CCDC85A: variants seen among roughly 807,000 people sequenced by gnomAD.
CCDC85A encodes coiled-coil domain-containing protein 85A.
A neutral mutation model predicts 50.2 loss-of-function variants in CCDC85A; 38 were observed. The ratio of observed to expected loss-of-function variants is 0.76; its 90% CI spans 0.58 to 0.99. The LOEUF is 0.99. CCDC85A is among the 50% of genes least tolerant of loss of function. CCDC85A has a pLI of 0.00. For synonymous variants in CCDC85A, 366 were observed against 301.4 expected (o/e 1.21, Z -2.22); for missense variants, 820 against 742.0 (o/e 1.11, Z -1.22).
intron 2 of CCDC85A, among the ~76,000 whole-genome samples, chr2:56,330,510 C>T (rs1486577257): frequency 2.0e-5 from 3 of 152,162 alleles, no homozygotes; most frequent in African/African-American, 4.8e-5. Context: ...GCCTTCCTCC[C>T]TCCCTCCCTC....
Position 56,184,795 on chromosome 2 carries a change from G to C in CCDC85A, c.171G>C (p.Arg57=). The change falls in exon 1 of 6, where the codon CGG becomes CGC. Residue 57 remains arginine (R), a synonymous_variant. Transcript: ENST00000407595. ...AGGAGGAGCTGATCCGCAGCCTGCGGCGCGCCGAGGCGGAGAAGGTGAGCG... is the reference window on the plus strand; with the variant it reads ...AGGAGGAGCTGATCCGCAGCCTGCGCCGCGCCGAGGCGGAGAAGGTGAGCG... ...WSKEELIRSL[R]RAEAEKVSAM... The C allele has an allele frequency of 1.9e-6, 3 of 1,546,390 alleles. No homozygotes were observed. The South Asian group carries it at 3.6e-5, about 18-fold the overall frequency.
intron 2 of CCDC85A, among the ~76,000 whole-genome samples, chr2:56,217,318 G>A (rs1247967856): frequency 6.6e-6 from 1 of 151,844 alleles, no homozygotes; most frequent in Admixed American, 6.6e-5. Context: ...TCTGTGTTGA[G>A]CTTTTAGGAA....
chr2:56,357,044 C>T lies in CCDC85A; in HGVS notation c.1317+14089C>T, dbSNP rs575801434. Among the ~76,000 whole-genome samples the T allele has an allele frequency of 1.3e-3, 196 of 151,058 alleles. 1 individual carries two copies. Among genetic ancestry groups the T allele is most frequent in the African/African-American group, 3.9e-3 (161 of 41,084 alleles). ...CAGTGAGCTGAGATCACACCACTGCCCTCAAACCTGGGCAGCAGAGTGAGA... is the reference window on the plus strand; with the variant it reads ...CAGTGAGCTGAGATCACACCACTGCTCTCAAACCTGGGCAGCAGAGTGAGA... On this transcript the variant is annotated intron_variant, in intron 3 of 5. Transcript: ENST00000407595.
chr2:56,271,596 T>G lies in CCDC85A; in HGVS notation c.1241-71283T>G, dbSNP rs563404658. Among the ~76,000 whole-genome samples the G allele has an allele frequency of 2.0e-5, 3 of 152,188 alleles. No homozygotes were observed. The South Asian group carries it at 6.2e-4, about 31-fold the overall frequency. Reference sequence around the variant, plus strand: ...TGACAGGCTAATACATTAGGTCATTTTGGCTTTTTTTCTTTCCTGTCAAGC... The same window carrying G: ...TGACAGGCTAATACATTAGGTCATTGTGGCTTTTTTTCTTTCCTGTCAAGC... On this transcript the variant is annotated intron_variant, in intron 2 of 5. Transcript: ENST00000407595.
intron 2 of CCDC85A, among the ~76,000 whole-genome samples, chr2:56,245,544 G>C (rs1669463111): frequency 1.3e-5 from 2 of 152,198 alleles, no homozygotes; most frequent in African/African-American, 4.8e-5. Context: ...TGGTTCTTAT[G>C]AAGTTGCTTT....
chr2:56,229,480 T>G (rs1230066731), intron 2 of CCDC85A, among the ~76,000 whole-genome samples: 2 of 152,142 alleles, frequency 1.3e-5, no homozygotes, highest in Non-Finnish European at 2.9e-5. Context: ...ATTTTAGACC[T>G]TAGTTCTTCA....
chr2:56,381,004 G>T (rs940433787), intron 5 of CCDC85A, among the ~76,000 whole-genome samples: 1 of 151,992 alleles, frequency 6.6e-6, no homozygotes, highest in South Asian at 2.1e-4. Context: ...AGACACTTAC[G>T]CATCAACCTC....
chr2:56,253,712 A>G (rs1016061921), intron 2 of CCDC85A, among the ~76,000 whole-genome samples: 1 of 152,166 alleles, frequency 6.6e-6, no homozygotes, highest in African/African-American at 2.4e-5. Flanking sequence ...GATTCAAGAG[A>G]TGTTTCGGAG....
chr2:56,184,175 GC>G lies in CCDC85A; in HGVS notation c.-449del. 9 of 987,358 alleles carry G rather than the reference GC, an allele frequency of 9.1e-6. No individual in the cohort carries two copies. Among genetic ancestry groups the G allele is most frequent in the Non-Finnish European group, 1.1e-5 (9 of 831,440 alleles). 61.2% of individuals were successfully genotyped at this position (987,358 alleles called of 1,614,324 possible). On this transcript the variant is annotated 5_prime_UTR_variant, in exon 1 of 6. Coordinates refer to ENST00000407595, the MANE Select transcript of CCDC85A (RefSeq NM_001080433.2). Reference sequence around the variant, plus strand: ...AGCTAGGAGAGGGGAGAAGCCGGGGGCTGCAGCTGGGCAAGGGGGAGGAAAG... The same window carrying G: ...AGCTAGGAGAGGGGAGAAGCCGGGGGTGCAGCTGGGCAAGGGGGAGGAAAG...
chr2:56,311,793 G>T (rs981865179), intron 2 of CCDC85A, among the ~76,000 whole-genome samples: 2 of 152,164 alleles, frequency 1.3e-5, no homozygotes, highest in Admixed American at 1.3e-4. Context: ...CTTGCTCAAG[G>T]TCTCACCATC....
At chr2:56,319,517 A>G (rs149806385) in intron 2 of CCDC85A, among the ~76,000 whole-genome samples, 74 of 152,256 alleles carry the variant, frequency 4.9e-4, no homozygotes, top group African/African-American at 1.7e-3. Flanking sequence ...GCAGTAAATA[A>G]ATGTTTCGCA....
chr2:56,309,010 T>A (rs1672568351), intron 2 of CCDC85A, among the ~76,000 whole-genome samples: 1 of 152,188 alleles, frequency 6.6e-6, no homozygotes, highest in African/African-American at 2.4e-5. Context: ...GCTTTCAAAA[T>A]TCTCCAACTG....
chr2:56,244,517 G>A (rs1026180418), intron 2 of CCDC85A, among the ~76,000 whole-genome samples: 6 of 151,940 alleles, frequency 3.9e-5, no homozygotes, highest in East Asian at 3.9e-4. Context: ...AAAAGCCAAA[G>A]CCTGGAACCA....
At chr2:56,373,589 G>A (rs368747103) in intron 4 of CCDC85A, among the ~76,000 whole-genome samples, 2 of 152,156 alleles carry the variant, frequency 1.3e-5, no homozygotes, top group African/African-American at 4.8e-5. Flanking sequence ...TTTTTACCAG[G>A]TCTGGAAAGA....
At chr2:56,309,238 C>T (rs748446162) in intron 2 of CCDC85A, among the ~76,000 whole-genome samples, 1 of 152,048 alleles carries the variant, frequency 6.6e-6, no homozygotes, top group Non-Finnish European at 1.5e-5. Context: ...GATATGAGAC[C>T]TTTCTGTGAT....
intron 5 of CCDC85A, among the ~76,000 whole-genome samples, chr2:56,382,162 GA>G (rs1199035920): frequency 6.6e-6 from 1 of 151,986 alleles, no homozygotes; most frequent in Non-Finnish European, 1.5e-5. Flanking sequence ...ACAGAATAGG[GA>G]AAAATGCAGA....
intron 2 of CCDC85A, among the ~76,000 whole-genome samples, chr2:56,247,441 C>T (rs1049628472): frequency 1.8e-4 from 28 of 152,128 alleles, no homozygotes; most frequent in African/African-American, 6.3e-4. Context: ...ATGCAACTGG[C>T]ACTTTTCATA....
intron 5 of CCDC85A, 79 bp from the exon 6 acceptor site, chr2:56,384,182 CTCTCT>C: frequency 8.4e-7 from 1 of 1,189,102 alleles, no homozygotes; most frequent in Non-Finnish European, 1.2e-6. Context: ...ATCTTCGCTC[CTCTCT>C]TAATTTACCC....
intron 2 of CCDC85A, among the ~76,000 whole-genome samples, chr2:56,214,848 A>G (rs77790530): frequency 0.047 from 7,212 of 151,908 alleles, 196 homozygotes; most frequent in Non-Finnish European, 0.052. Context: ...TGTGTTGGCT[A>G]TTCTGGATCT....
Sources: gnomAD v4.1 joint callset for allele counts (sites outside exome capture counted in the v4.1 genomes callset) on GRCh38, gnomAD v4.1.1 for gene constraint, MANE v1.5 for transcripts, NCBI Gene and HGNC (gene_info 2026-07-23, HGNC 2026-07-21) for gene names.